Variants in AKAP7 observed in about 807,000 individuals in gnomAD.
AKAP7 encodes A kinase (PRKA) anchor protein 7.
AKAP7 carries 39 observed loss-of-function variants against 39.5 expected under a neutral mutation model. The ratio of observed to expected loss-of-function variants is 0.99; its 90% CI spans 0.76 to 1.29. AKAP7 has a LOEUF of 1.29. AKAP7 is among the 50% of genes most tolerant of loss of function. The probability of loss-of-function intolerance (pLI) is 0.00; values close to 1 mark genes in which losing one functional copy is unlikely to be tolerated. For synonymous variants in AKAP7, 140 were observed against 139.1 expected (o/e 1.01, Z -0.05); for missense variants, 414 against 407.7 (o/e 1.02, Z -0.13).
At chr6:131,148,713 G>A (rs527369033) in intron 2 of AKAP7, among the ~76,000 whole-genome samples, 1 of 152,152 alleles carries the variant, frequency 6.6e-6, no homozygotes, top group East Asian at 1.9e-4. Flanking sequence ...TCTGAAGTGA[G>A]ATTTTTATAG....
In AKAP7 at chr6:131,207,733, C is replaced by T. The variant is rs368007801; in HGVS notation, c.702+8160C>T. 1.4e-4 allele frequency among the ~76,000 whole-genome samples: 21 copies of T among 151,838 alleles called. No individual in the cohort carries two copies. In the East Asian group the frequency reaches 2.9e-3, roughly 21 times the overall value. ...GTAGAGGCCCTCCTGACCTGGGAGA[C>T]AGAATAGGCAAGGGCTCTACATTTT... is the stretch of plus-strand genomic sequence containing the variant. On this transcript the variant is annotated intron_variant, in intron 6 of 7. Coordinates refer to ENST00000431975, the MANE Select transcript of AKAP7 (RefSeq NM_016377.4).
intron 7 of AKAP7, among the ~76,000 whole-genome samples, chr6:131,262,826 G>A (rs1195899465): frequency 6.6e-6 from 1 of 152,146 alleles, no homozygotes; most frequent in Non-Finnish European, 1.5e-5. Context: ...ATTTTGCTAA[G>A]CCAATTCTCT....
intron 3 of AKAP7, chr6:131,164,314 T>C: frequency 2.2e-6 from 1 of 453,066 alleles, no homozygotes; most frequent in South Asian, 1.6e-5. Flanking sequence ...TACTTTCAAA[T>C]GTACTCACAT....
chr6:131,244,348 C>G (rs1373763235), intron 7 of AKAP7, among the ~76,000 whole-genome samples: 1 of 152,132 alleles, frequency 6.6e-6, no homozygotes, highest in African/African-American at 2.4e-5. Flanking sequence ...AACTTTACCG[C>G]AAGAGCTTAT....
intron 7 of AKAP7, among the ~76,000 whole-genome samples, chr6:131,247,377 G>A (rs1812120323): frequency 7.1e-6 from 1 of 140,410 alleles, no homozygotes; most frequent in African/African-American, 2.7e-5. Context: ...CCAGGCTGGA[G>A]TGCAGTGGCA....
chr6:131,144,244 G>T (rs996065888), intron 1 of AKAP7, among the ~76,000 whole-genome samples: 1 of 151,068 alleles, frequency 6.6e-6, no homozygotes, highest in African/African-American at 2.4e-5. Flanking sequence ...AACCGCCATT[G>T]TCATCATGGC....
intron 5 of AKAP7, among the ~76,000 whole-genome samples, chr6:131,173,104 G>A (rs777980364): frequency 6.6e-5 from 10 of 151,386 alleles, no homozygotes; most frequent in Admixed American, 3.3e-4. Context: ...AAGAGGCCGA[G>A]GCAGGAGAAT....
intron 7 of AKAP7, among the ~76,000 whole-genome samples, chr6:131,222,638 TG>T (rs1196120418): frequency 2.0e-5 from 3 of 152,220 alleles, no homozygotes; most frequent in Non-Finnish European, 2.9e-5. Flanking sequence ...GATAATGAGT[TG>T]CTTCTTATGA....
intron 3 of AKAP7, among the ~76,000 whole-genome samples, chr6:131,164,771 A>C (rs1803315351): frequency 6.6e-6 from 1 of 152,176 alleles, no homozygotes; most frequent in African/African-American, 2.4e-5. Context: ...ATTTCTGAAA[A>C]GATGCAGGGC....
At chr6:131,241,627 G>GTGTATATACGTA in intron 7 of AKAP7, among the ~76,000 whole-genome samples, 1 of 86,636 alleles carries the variant, frequency 1.2e-5, no homozygotes, top group African/African-American at 5.0e-5. Context: ...GTGTGTGTGT[G>GTGTATATACGTA]TATATATATA....
chr6:131,182,551 G>T (rs144196630), intron 5 of AKAP7, among the ~76,000 whole-genome samples: 21 of 152,238 alleles, frequency 1.4e-4, no homozygotes, highest in African/African-American at 4.6e-4. Context: ...CTTGTTATCT[G>T]TTGATGGGTT....
At chr6:131,189,090 T>C (rs991305807) in intron 5 of AKAP7, among the ~76,000 whole-genome samples, 1 of 152,192 alleles carries the variant, frequency 6.6e-6, no homozygotes, top group African/African-American at 2.4e-5. Context: ...CAACACACTA[T>C]AGAGTGTTTG....
chr6:131,239,286 C>G (rs1357134694), intron 7 of AKAP7, among the ~76,000 whole-genome samples: 2 of 152,244 alleles, frequency 1.3e-5, no homozygotes, highest in African/African-American at 4.8e-5. Flanking sequence ...AGCTGTTAGT[C>G]TGATGGGCTT....
At chr6:131,269,092 A>T (rs1458633598) in intron 7 of AKAP7, among the ~76,000 whole-genome samples, 1 of 152,136 alleles carries the variant, frequency 6.6e-6, no homozygotes, top group East Asian at 1.9e-4. Context: ...AGTCTCACTC[A>T]CTTTCTTTCG....
At position 131,180,834 on chromosome 6, in the gene AKAP7, G is replaced by GT. The variant is rs59511934; in HGVS notation, c.589+11575dup. Among the ~76,000 whole-genome samples, 283 of 111,030 alleles carry GT rather than the reference G, an allele frequency of 2.5e-3. 1 individual carries two copies. The highest frequency in any genetic ancestry group is 2.9e-3 in the Non-Finnish European group (131 of 45,456). The allele number at this position is 111,030 out of a possible 152,430, so 72.8% of individuals were successfully genotyped here. A position where few individuals can be genotyped will look rare whatever the true frequency, so the allele number is the denominator to read the frequency against. ...ACCACTTTCTTTTTTTGTTTGTTTT[G>GT]TTTTTTTTTTTTTTAATACTTCTCT... On this transcript the variant is annotated intron_variant, in intron 5 of 7. Coordinates refer to ENST00000431975, the MANE Select transcript of AKAP7 (RefSeq NM_016377.4).
At chr6:131,257,941 A>G (rs1166796680) in intron 7 of AKAP7, among the ~76,000 whole-genome samples, 1 of 152,196 alleles carries the variant, frequency 6.6e-6, no homozygotes, top group African/African-American at 2.4e-5. Flanking sequence ...AGTTATGCCA[A>G]GCTGACTTCT....
chr6:131,257,222 T>TAAGA (rs1812935367), intron 7 of AKAP7, among the ~76,000 whole-genome samples: 2 of 152,032 alleles, frequency 1.3e-5, no homozygotes, highest in Non-Finnish European at 2.9e-5. Context: ...ATAGCCGCAG[T>TAAGA]AAGAAGTCAG....
At position 131,199,461 on chromosome 6, in the gene AKAP7, A is replaced by C. The variant is rs781501081; in HGVS notation, c.590A>C (p.Glu197Ala). 4.5e-6 allele frequency: 7 copies of C among 1,571,082 alleles called. No homozygotes were observed. In the East Asian group the frequency reaches 1.3e-4, roughly 30 times the overall value. Residue 197 changes from glutamate (E) to alanine (A), a missense_variant and splice_region_variant, in exon 6 of 8, where the codon GAG (glutamate) becomes GCG (alanine). Transcript: ENST00000431975. ...DHVNSLLEIA[E>A]TANRTFQEKG... ...CTTTGTTTCTCTTTATTTTCTTCAG[A>C]GACTGCAAATAGGACATTTCAAGAA...
chr6:131,171,975 A>G lies in AKAP7; in HGVS notation c.589+2702A>G, dbSNP rs151330255. ...AGAAGTTCAAGAGTGAGACAGGAAA[A>G]TTAGGAGGTGTGATCAGAGAGCAGT... On this transcript the variant is annotated intron_variant, in intron 5 of 7. Transcript: ENST00000431975. Among the ~76,000 whole-genome samples, 674 of 152,272 alleles carry G rather than the reference A, an allele frequency of 4.4e-3. 4 individuals carry two copies. Among genetic ancestry groups the G allele is most frequent in the Middle Eastern group, 0.014 (4 of 294 alleles).
Sources: allele counts gnomAD v4.1 joint callset (sites outside exome capture counted in the v4.1 genomes callset), GRCh38; gene constraint gnomAD v4.1.1; transcripts MANE v1.5; gene names NCBI Gene and HGNC (gene_info 2026-07-23, HGNC 2026-07-21).